The following GRIK4 variants were observed in gnomAD, a reference collection of about 807,000 sequenced individuals.
GRIK4 encodes glutamate receptor ionotropic, kainate 4.
A neutral mutation model predicts 104.9 loss-of-function variants in GRIK4; 40 were observed. That is an observed-to-expected ratio of 0.38 (90% CI 0.30 to 0.50). The LOEUF (loss-of-function observed/expected upper bound fraction) is 0.50, where lower values mean the gene tolerates loss of function less well. GRIK4 is among the 20% of genes least tolerant of loss of function. The pLI, the probability that GRIK4 is intolerant of heterozygous loss-of-function variation, is 0.93. For synonymous variants in GRIK4, 485 were observed against 524.9 expected (o/e 0.92, Z 1.04); for missense variants, 1,047 against 1,308.1 (o/e 0.80, Z 3.08).
rs1330166029 is a variant in GRIK4 at position 120,967,004 on chromosome 11, C to T, written c.2267-191C>T. On this transcript the variant is annotated intron_variant, in intron 18 of 20. Coordinates refer to ENST00000527524, the MANE Select transcript of GRIK4 (RefSeq NM_014619.5). This position sits in a 1 kb window ranked among gnomAD's most constrained non-coding sequence, Gnocchi z 4.2. The stretch of plus-strand genomic sequence containing the variant: ...CACTGCGTGAAGCCAGAATGCCCCG[C>T]TCTTCCGGGGGAGCCCCAGTGGAGT... Among the ~76,000 whole-genome samples, 2 of 152,196 alleles carry T rather than the reference C, an allele frequency of 1.3e-5. No individual in the cohort carries two copies. Among genetic ancestry groups the T allele is most frequent in the Non-Finnish European group, 2.9e-5 (2 of 68,042 alleles).
At chr11:120,743,553 A>G (rs555392890) in intron 3 of GRIK4, among the ~76,000 whole-genome samples, 1 of 152,324 alleles carries the variant, frequency 6.6e-6, no homozygotes, top group African/African-American at 2.4e-5. Flanking sequence ...ACGAGCCTTC[A>G]TGTGTACCTC....
chr11:120,959,404 G>A (rs1258706034), intron 16 of GRIK4, among the ~76,000 whole-genome samples: 1 of 152,236 alleles, frequency 6.6e-6, no homozygotes, highest in East Asian at 1.9e-4. Flanking sequence ...GGGACCTGCT[G>A]CTCTTGAAAA....
At chr11:120,663,719 C>T (rs1348403363) in intron 3 of GRIK4, among the ~76,000 whole-genome samples, 1 of 152,108 alleles carries the variant, frequency 6.6e-6, no homozygotes, top group African/African-American at 2.4e-5. Flanking sequence ...CCAGCTTTAC[C>T]CATTCCCCTG....
intron 3 of GRIK4, among the ~76,000 whole-genome samples, chr11:120,663,720 C>A (rs111607874): frequency 6.6e-6 from 1 of 152,122 alleles, no homozygotes; most frequent in African/African-American, 2.4e-5. Flanking sequence ...CAGCTTTACC[C>A]ATTCCCCTGC....
chr11:120,564,027 T>G (rs554981034), intron 1 of GRIK4, among the ~76,000 whole-genome samples: 15 of 148,018 alleles, frequency 1.0e-4, no homozygotes, highest in African/African-American at 3.8e-4. Flanking sequence ...GGTTAGGGGG[T>G]GGGTAGGGAG....
chr11:120,719,330 G>A (rs1043513286), intron 3 of GRIK4, among the ~76,000 whole-genome samples: 1 of 152,176 alleles, frequency 6.6e-6, no homozygotes, highest in African/African-American at 2.4e-5. Flanking sequence ...GGGAACTGAA[G>A]GCAGTGTGTG....
At chr11:120,985,852 G>C in intron 20 of GRIK4, 52 bp from the exon 21 acceptor site, 1 of 1,527,928 alleles carries the variant, frequency 6.5e-7, no homozygotes, top group Non-Finnish European at 8.9e-7. Flanking sequence ...CTCGCAGGGG[G>C]CCCACGGGGG....
chr11:120,526,640 C>T (rs1947860737), intron 1 of GRIK4, among the ~76,000 whole-genome samples: 1 of 152,170 alleles, frequency 6.6e-6, no homozygotes, highest in African/African-American at 2.4e-5. Flanking sequence ...CAAGACCGGC[C>T]TGACCAACAT....
intron 3 of GRIK4, among the ~76,000 whole-genome samples, chr11:120,712,843 C>G (rs1428579779): frequency 2.0e-5 from 3 of 152,198 alleles, no homozygotes; most frequent in Non-Finnish European, 4.4e-5. Context: ...CCGATCTTCT[C>G]TTCCTTAGAA....
At chr11:120,688,248 G>A (rs1950304316) in intron 3 of GRIK4, among the ~76,000 whole-genome samples, 1 of 152,154 alleles carries the variant, frequency 6.6e-6, no homozygotes, top group Non-Finnish European at 1.5e-5. Flanking sequence ...TGAAACAGAT[G>A]ATTGTTATAT....
intron 11 of GRIK4, among the ~76,000 whole-genome samples, chr11:120,877,909 C>T (rs141925387): frequency 6.6e-6 from 1 of 152,330 alleles, no homozygotes; most frequent in East Asian, 1.9e-4. Context: ...TCAAGAGACA[C>T]CTGCAGTGGC....
intron 8 of GRIK4, among the ~76,000 whole-genome samples, chr11:120,841,441 G>C (rs1182413094): frequency 6.6e-6 from 1 of 152,206 alleles, no homozygotes; most frequent in African/African-American, 2.4e-5. Flanking sequence ...AGAATTGCCT[G>C]CCTTTTTAAG....
At chr11:120,864,539 T>C (rs971191350) in intron 9 of GRIK4, among the ~76,000 whole-genome samples, 8 of 152,146 alleles carry the variant, frequency 5.3e-5, no homozygotes, top group African/African-American at 1.9e-4. Context: ...CATTCCAGTA[T>C]TTTAATAGGT....
At chr11:120,765,452 AC>A (rs1743255621) in intron 3 of GRIK4, among the ~76,000 whole-genome samples, 1 of 151,984 alleles carries the variant, frequency 6.6e-6, no homozygotes, top group Non-Finnish European at 1.5e-5. Flanking sequence ...TCTGAAGCCT[AC>A]TTCTATCAAT....
At chr11:120,688,378 G>A (rs1418385613) in intron 3 of GRIK4, among the ~76,000 whole-genome samples, 2 of 152,232 alleles carry the variant, frequency 1.3e-5, no homozygotes, top group Non-Finnish European at 2.9e-5. Context: ...GATTACAAGA[G>A]CAGCTCTTAG....
At chr11:120,690,689 G>C (rs1215998625) in intron 3 of GRIK4, among the ~76,000 whole-genome samples, 1 of 152,218 alleles carries the variant, frequency 6.6e-6, no homozygotes, top group Admixed American at 6.5e-5. Context: ...CCCGGGACCT[G>C]TGGCTTTGCT....
At chr11:120,809,370 A>C (rs1952780896) in intron 4 of GRIK4, among the ~76,000 whole-genome samples, 2 of 152,186 alleles carry the variant, frequency 1.3e-5, no homozygotes, top group South Asian at 4.1e-4. Context: ...GCCTCCTGCA[A>C]ACTGCTCAGA....
At chr11:120,946,044 A>G (rs1428890082) in intron 14 of GRIK4, among the ~76,000 whole-genome samples, 1 of 152,238 alleles carries the variant, frequency 6.6e-6, no homozygotes, top group Non-Finnish European at 1.5e-5. Context: ...GTATAATTCC[A>G]AGGACATTCT....
At chr11:120,769,841 GAGGCTTACA>G (rs1179075237) in intron 3 of GRIK4, among the ~76,000 whole-genome samples, 1 of 152,204 alleles carries the variant, frequency 6.6e-6, no homozygotes, top group African/African-American at 2.4e-5. Flanking sequence ...TGTGGACAGT[GAGGCTTACA>G]ACATCTGTGT....
Sources: gnomAD v4.1 joint callset for allele counts (sites outside exome capture counted in the v4.1 genomes callset) on GRCh38, gnomAD v4.1.1 for gene constraint, Gnocchi (gnomAD v3.1) non-coding constraint, MANE v1.5 for transcripts, NCBI Gene and HGNC (gene_info 2026-07-23, HGNC 2026-07-21) for gene names.